Variants in KLRG1 observed in about 807,000 individuals in gnomAD.
The protein encoded by KLRG1 is killer cell lectin-like receptor subfamily G member 1.
KLRG1 carries 16 observed loss-of-function variants against 21.8 expected under a neutral mutation model. That is an observed-to-expected ratio of 0.73 (90% confidence interval 0.50 to 1.11). The LOEUF (loss-of-function observed/expected upper bound fraction) is 1.11. KLRG1 is among the 50% of genes most tolerant of loss of function. The pLI is 0.00. For missense variants in KLRG1, 173 were observed against 218.3 expected (o/e 0.79, Z 1.31); for synonymous variants, 69 against 75.9 (o/e 0.91, Z 0.47).
chr12:8,989,782 G>A (rs527507558), intron 1 of KLRG1, 65 bp downstream of exon 1: 35 of 879,890 alleles, frequency 4.0e-5, no homozygotes, highest in Non-Finnish European at 5.6e-5. Flanking sequence ...TGAATGGGGA[G>A]TAGAATAAGT....
the KLRG1 span, among the ~76,000 whole-genome samples, chr12:9,138,699 T>C: frequency 6.6e-6 from 1 of 152,112 alleles, no homozygotes; most frequent in Non-Finnish European, 1.5e-5. Flanking sequence ...CTGTTCAAAC[T>C]TTCTTGATTT....
At chr12:9,050,784 C>T in the KLRG1 span, among the ~76,000 whole-genome samples, 1 of 152,196 alleles carries the variant, frequency 6.6e-6, no homozygotes, top group Non-Finnish European at 1.5e-5. Flanking sequence ...GCTCCCCTGG[C>T]GCAGGACCTG....
chr12:9,017,962 A>T, the KLRG1 span, among the ~76,000 whole-genome samples: 1 of 152,250 alleles, frequency 6.6e-6, no homozygotes, highest in African/African-American at 2.4e-5. Context: ...GCATTTCTAT[A>T]TGCCAACAGT....
the KLRG1 span, among the ~76,000 whole-genome samples, chr12:9,086,184 AT>A: frequency 6.6e-6 from 1 of 151,922 alleles, no homozygotes; most frequent in Non-Finnish European, 1.5e-5. Context: ...ATAAAAAGAC[AT>A]TACAAAAAAG....
the KLRG1 span, chr12:9,072,692 G>A: frequency 1.2e-6 from 2 of 1,614,144 alleles, no homozygotes; most frequent in Non-Finnish European, 1.7e-6. Flanking sequence ...CTTTCATGCT[G>A]TATTCCCCAG....
chr12:9,038,317 C>T, the KLRG1 span, among the ~76,000 whole-genome samples: 3 of 152,122 alleles, frequency 2.0e-5, no homozygotes, highest in East Asian at 1.9e-4. Context: ...CCAGGAAGGG[C>T]AGGCTGGGAC....
chr12:9,215,107 T>C, the KLRG1 span, among the ~76,000 whole-genome samples: 1 of 152,014 alleles, frequency 6.6e-6, no homozygotes, highest in Non-Finnish European at 1.5e-5. Flanking sequence ...CATTCTTACA[T>C]TATTGGTTAT....
At chr12:9,170,703 C>T in the KLRG1 span, among the ~76,000 whole-genome samples, 1,722 of 152,286 alleles carry the variant, frequency 0.011, 11 homozygotes, top group Non-Finnish European at 0.019. This position sits in a 1 kb window ranked among gnomAD's most constrained non-coding sequence, Gnocchi z 4.6. Context: ...CGGTCCCCCA[C>T]GATGCAGCAC....
chr12:9,122,469 A>G, the KLRG1 span, among the ~76,000 whole-genome samples: 2 of 152,212 alleles, frequency 1.3e-5, no homozygotes, highest in Non-Finnish European at 2.9e-5. Flanking sequence ...GTTGTTTGCC[A>G]ACTTTACTTA....
the KLRG1 span, chr12:9,104,354 A>G: frequency 1.2e-6 from 2 of 1,605,978 alleles, no homozygotes; most frequent in Non-Finnish European, 1.7e-6. Context: ...TCTGATGAAT[A>G]TGACTTTATT....
the KLRG1 span, chr12:9,090,224 G>C: frequency 1.4e-6 from 2 of 1,454,630 alleles, no homozygotes; most frequent in Non-Finnish European, 1.9e-6. Context: ...AGGCATCTTA[G>C]AATAAAAGGC....
the KLRG1 span, chr12:9,028,601 G>A: frequency 7.5e-5 from 27 of 358,862 alleles, no homozygotes; most frequent in East Asian, 2.1e-4. Flanking sequence ...GCACCACCAC[G>A]CCCTGCTAAT....
chr12:9,210,616 A>G, the KLRG1 span, among the ~76,000 whole-genome samples: 4 of 152,130 alleles, frequency 2.6e-5, no homozygotes, highest in Admixed American at 1.3e-4. Context: ...TCCAGTGAAT[A>G]TATATATAAC....
the KLRG1 span, among the ~76,000 whole-genome samples, chr12:9,184,014 G>A: frequency 6.6e-6 from 1 of 152,160 alleles, no homozygotes. Flanking sequence ...ACTGTCTTGA[G>A]TTCAACAAGG....
chr12:9,160,248 A>C, the KLRG1 span: 3 of 1,414,882 alleles, frequency 2.1e-6, no homozygotes, highest in African/African-American at 1.4e-5. Context: ...TTGATGATAT[A>C]ACTGAAGCTT....
At chr12:8,975,019 C>T (rs777738725) in intron 1 of KLRG1, among the ~76,000 whole-genome samples, 1 of 152,010 alleles carries the variant, frequency 6.6e-6, no homozygotes, top group Non-Finnish European at 1.5e-5. Context: ...CCTCAGCCTC[C>T]AGAGTAGCTG....
the KLRG1 span, among the ~76,000 whole-genome samples, chr12:9,180,045 A>G: frequency 6.6e-6 from 1 of 152,222 alleles, no homozygotes; most frequent in Non-Finnish European, 1.5e-5. Flanking sequence ...GAAAACCTAT[A>G]TGAGACAGCT....
chr12:9,193,044 A>C, the KLRG1 span, among the ~76,000 whole-genome samples: 2 of 152,242 alleles, frequency 1.3e-5, no homozygotes, highest in Non-Finnish European at 2.9e-5. Context: ...CAAGTGGAAA[A>C]GGGATTTTTC....
chr12:9,069,113 A>G, the KLRG1 span: 2 of 260,762 alleles, frequency 7.7e-6, no homozygotes, highest in South Asian at 1.5e-4. Flanking sequence ...TTATTGGATG[A>G]CTAACTGTGT....
Sources: gnomAD v4.1 joint callset for allele counts (sites outside exome capture counted in the v4.1 genomes callset) on GRCh38, gnomAD v4.1.1 for gene constraint, Gnocchi (gnomAD v3.1) non-coding constraint, MANE v1.5 for transcripts, NCBI Gene and HGNC (gene_info 2026-07-23, HGNC 2026-07-21) for gene names.